The following RASA2 variants were observed in gnomAD, a reference collection of about 807,000 sequenced individuals.
RASA2 encodes the protein RAS p21 protein activator 2.
RASA2 carries 155 observed loss-of-function variants against 118.2 expected under a neutral mutation model. The observed-to-expected ratio is 1.31, with a 90% CI of 1.15 to 1.50. RASA2 has a LOEUF of 1.50. Ranked by LOEUF, RASA2 falls within the 40% of genes most tolerant of loss-of-function variation. The pLI is 0.00. For synonymous variants in RASA2, 353 were observed against 349.1 expected (o/e 1.01, Z -0.12); for missense variants, 1,016 against 1,009.6 (o/e 1.01, Z -0.09).
intron 13 of RASA2, 45 bp from the exon 14 acceptor site, chr3:141,573,899 G>A (rs775970263): frequency 6.6e-5 from 101 of 1,523,934 alleles, no homozygotes; most frequent in Non-Finnish European, 8.7e-5. Flanking sequence ...TATTGAAGAT[G>A]TGTGAACATC....
At chr3:141,594,719 T>A (rs1234457605) in intron 19 of RASA2, among the ~76,000 whole-genome samples, 7 of 152,130 alleles carry the variant, frequency 4.6e-5, no homozygotes, top group South Asian at 4.1e-4. Context: ...AAATGAAAGC[T>A]GAGAGAGACT....
chr3:141,516,500 G>A, intron 3 of RASA2, 69 bp downstream of exon 3: 9 of 1,188,198 alleles, frequency 7.6e-6, no homozygotes, highest in Non-Finnish European at 8.6e-6. Flanking sequence ...TCTTAGTATA[G>A]TTTTGAAAAT....
At chr3:141,510,998 G>A (rs980584766) in intron 1 of RASA2, among the ~76,000 whole-genome samples, 4 of 152,178 alleles carry the variant, frequency 2.6e-5, no homozygotes, top group Non-Finnish European at 5.9e-5. Flanking sequence ...CACCAGTTAG[G>A]CAACTCTCAT....
chr3:141,489,467 T>G (rs550108599), intron 1 of RASA2, among the ~76,000 whole-genome samples: 2 of 152,276 alleles, frequency 1.3e-5, no homozygotes, highest in East Asian at 1.9e-4. Context: ...GACAAGATAT[T>G]AAGCAGCTTG....
chr3:141,600,303 T>G lies in RASA2; in HGVS notation c.1934-7375T>G, dbSNP rs1577817801. The G allele has an allele frequency of 5.6e-6, 3 of 538,228 alleles. No individual in the cohort carries two copies. The African/African-American group carries it at 5.8e-5, about 10-fold the overall frequency. The allele number at this position is 538,228 out of a possible 1,614,324, so 33.3% of individuals were successfully genotyped here. The stretch of plus-strand genomic sequence containing the variant: ...CCCCTTCTACTGCCTCACATTCTTC[T>G]CCTGCACTGTCTGATGTCCAAAGTG... On this transcript the variant is annotated intron_variant, in intron 19 of 23. Coordinates refer to ENST00000286364, the MANE Select transcript of RASA2 (RefSeq NM_006506.5).
intron 3 of RASA2, among the ~76,000 whole-genome samples, chr3:141,522,356 G>A (rs2082123068): frequency 6.6e-6 from 1 of 152,116 alleles, no homozygotes; most frequent in South Asian, 2.1e-4. Context: ...ACTGACCATG[G>A]CAGGTTCATG....
intron 6 of RASA2, among the ~76,000 whole-genome samples, chr3:141,554,986 C>T (rs1349167863): frequency 2.0e-5 from 3 of 152,018 alleles, no homozygotes; most frequent in Non-Finnish European, 4.4e-5. Flanking sequence ...TCTGGCCAGG[C>T]GCAGGTGGCT....
chr3:141,516,510 T>C (rs2082028970), intron 3 of RASA2, 79 bp downstream of exon 3: 12 of 1,105,380 alleles, frequency 1.1e-5, no homozygotes, highest in Non-Finnish European at 1.4e-5. Flanking sequence ...GTTTTGAAAA[T>C]TGCAGAATAA....
intron 9 of RASA2, among the ~76,000 whole-genome samples, chr3:141,562,319 TAA>T (rs554671192): frequency 7.0e-4 from 93 of 132,598 alleles, no homozygotes; most frequent in Admixed American, 1.1e-3. Flanking sequence ...TGTCTTCAGT[TAA>T]AAAAAAAAAA....
At position 141,573,214 on chromosome 3, in the gene RASA2, A is replaced by G. The variant is rs1577763968; in HGVS notation, c.1352A>G (p.Asn451Ser). The change falls in exon 13 of 24, where the codon AAT becomes AGT. Residue 451 changes from asparagine (N) to serine (S), a missense_variant. Asn to Ser is a conservative substitution (Grantham distance 46). This residue lies in a region of RASA2 where 896 missense variants were observed against 836.4 expected (regional missense o/e 1.07). Transcript: ENST00000286364. ...IKLKEGDNVE[N>S]NKENLRYYVD... The stretch of plus-strand genomic sequence containing the variant: ...TTGAAAGAGGGAGATAATGTAGAAA[A>G]TAATAAGGTAAGTCCTTGTTATATT... The G allele has an allele frequency of 7.1e-6, 11 of 1,543,226 alleles. No individual in the cohort carries two copies. The highest frequency in any genetic ancestry group is 9.5e-6 in the Non-Finnish European group (11 of 1,155,146).
At chr3:141,535,288 T>C (rs1210373867) in intron 4 of RASA2, among the ~76,000 whole-genome samples, 1 of 152,226 alleles carries the variant, frequency 6.6e-6, no homozygotes, top group Non-Finnish European at 1.5e-5. Context: ...TTTGTGACTT[T>C]CTGTTTAGAT....
At position 141,537,380 on chromosome 3, in the gene RASA2, T is replaced by A. The variant is rs142359599; in HGVS notation, c.451-3153T>A. 1.4e-3 allele frequency among the ~76,000 whole-genome samples: 219 copies of A among 152,362 alleles called. 7 individuals are homozygous for A. In the East Asian group the frequency reaches 0.024, roughly 17 times the overall value. On this transcript the variant is annotated intron_variant, in intron 4 of 23. Coordinates refer to ENST00000286364, the MANE Select transcript of RASA2 (RefSeq NM_006506.5). ...TCTGCTACTAAATACATTTTCATTTTGGTTTATTGCTTAGTTCTAACTTTT... is the reference window on the plus strand; with the variant it reads ...TCTGCTACTAAATACATTTTCATTTAGGTTTATTGCTTAGTTCTAACTTTT...
At chr3:141,609,620 A>T in intron 22 of RASA2, 97 bp downstream of exon 22, 1 of 971,166 alleles carries the variant, frequency 1.0e-6, no homozygotes. Context: ...ATACTCATAG[A>T]TTTACCAAAA....
At chr3:141,562,960 C>T (rs562880067) in intron 9 of RASA2, among the ~76,000 whole-genome samples, 7 of 152,304 alleles carry the variant, frequency 4.6e-5, no homozygotes, top group African/African-American at 1.2e-4. Flanking sequence ...CGTGAGCCAC[C>T]GCACCTGGCC....
chr3:141,516,278 ATTAT>A (rs1386617898), intron 2 of RASA2, 46 bp from the exon 3 acceptor site: 30 of 1,170,572 alleles, frequency 2.6e-5, no homozygotes, highest in East Asian at 3.6e-5. Context: ...GATATTAATT[ATTAT>A]TTATTTTATA....
At position 141,553,928 on chromosome 3, in the gene RASA2, T is replaced by C; in HGVS notation, c.599T>C (p.Val200Ala). ...SCDPYATVSL[V>A]GPSRNDQKKT... is the part of the protein sequence containing the mutation. ...GACCCTTATGCAACAGTTTCTCTAG[T>C]GGGCCCTTCTAGGTAATATTTATTG... Residue 200 changes from valine (V) to alanine (A), a missense_variant, in exon 6 of 24, where the codon GTG (valine) becomes GCG (alanine). Physicochemically the swap from Val to Ala is moderately conservative, Grantham distance 64. Transcript: ENST00000286364. 1 of 1,611,610 alleles carries C rather than the reference T, an allele frequency of 6.2e-7. No individual in the cohort carries two copies. Among genetic ancestry groups the C allele is most frequent in the Non-Finnish European group, 8.5e-7 (1 of 1,178,636 alleles).
intron 5 of RASA2, among the ~76,000 whole-genome samples, chr3:141,540,914 C>T (rs1376728016): frequency 6.6e-6 from 1 of 152,086 alleles, no homozygotes; most frequent in African/African-American, 2.4e-5. Context: ...CAAAGAAGGT[C>T]CTCTAGAAAT....
intron 9 of RASA2, among the ~76,000 whole-genome samples, chr3:141,569,670 G>A (rs938760754): frequency 1.6e-4 from 25 of 152,066 alleles, no homozygotes; most frequent in African/African-American, 5.1e-4. Context: ...CAGGGGTATA[G>A]GTACAGGTTT....
intron 15 of RASA2, among the ~76,000 whole-genome samples, chr3:141,577,680 A>T (rs1035813995): frequency 6.6e-6 from 1 of 152,230 alleles, no homozygotes; most frequent in Non-Finnish European, 1.5e-5. Flanking sequence ...CATTAACAGT[A>T]AAAACAGAAA....
Sources: gnomAD v4.1 joint callset for allele counts (sites outside exome capture counted in the v4.1 genomes callset) on GRCh38, gnomAD v4.1.1 for gene constraint, gnomAD v4.1.1 regional missense constraint, MANE v1.5 for transcripts, NCBI Gene and HGNC (gene_info 2026-07-23, HGNC 2026-07-21) for gene names.